PIK3R1: variants seen among roughly 807,000 people sequenced by gnomAD.
PIK3R1 encodes phosphoinositide-3-kinase regulatory subunit 1, also known as phosphatidylinositol 3-kinase regulatory subunit alpha.
Under a neutral mutation model 98.0 loss-of-function variants are expected in PIK3R1, and 29 were observed. The observed-to-expected ratio is 0.30, with a 90% confidence interval of 0.22 to 0.40. The LOEUF is 0.40. Ranked by LOEUF, PIK3R1 falls within the 10% of genes least tolerant of loss-of-function variation. The pLI is 1.00. For missense variants in PIK3R1, 596 were observed against 872.7 expected (o/e 0.68, Z 3.99); for synonymous variants, 282 against 311.8 (o/e 0.90, Z 1.01).
At chr5:68,240,475 A>T (rs1744832043) in intron 2 of PIK3R1, among the ~76,000 whole-genome samples, 1 of 152,280 alleles carries the variant, frequency 6.6e-6, no homozygotes, top group Admixed American at 6.5e-5. Context: ...CTGAAACTCC[A>T]GTTCTTGTCA....
intron 2 of PIK3R1, among the ~76,000 whole-genome samples, chr5:68,249,973 G>A (rs997099624): frequency 1.3e-5 from 2 of 152,274 alleles, no homozygotes; most frequent in Admixed American, 1.3e-4. Flanking sequence ...CCAAGTGTTG[G>A]GCTGGATTCT....
intron 2 of PIK3R1, among the ~76,000 whole-genome samples, chr5:68,271,729 C>T (rs1173054339): frequency 6.6e-6 from 1 of 152,218 alleles, no homozygotes; most frequent in Non-Finnish European, 1.5e-5. Context: ...GATTTTCCCT[C>T]ATAATATAGC....
rs1434445118 is a variant in PIK3R1, at chr5:68,226,443, C to G, written c.-233C>G. On this transcript the variant is annotated 5_prime_UTR_variant, in exon 2 of 16. Coordinates refer to ENST00000521381, the MANE Select transcript of PIK3R1 (RefSeq NM_181523.3). Reference sequence around the variant, plus strand: ...AAGGAAGCCAGTGAGAGGACTGTGGCACGCAGAGGAAGTGGAGCCCTGTCT... The same window carrying G: ...AAGGAAGCCAGTGAGAGGACTGTGGGACGCAGAGGAAGTGGAGCCCTGTCT... 5.9e-6 allele frequency: 3 copies of G among 512,014 alleles called. No homozygotes were observed. Among genetic ancestry groups the G allele is most frequent in the Non-Finnish European group, 1.0e-5 (3 of 290,502 alleles). The allele number at this position is 512,014 out of a possible 1,614,324, so 31.7% of individuals were successfully genotyped here.
intron 7 of PIK3R1, among the ~76,000 whole-genome samples, chr5:68,285,834 A>G (rs955554332): frequency 1.1e-4 from 16 of 152,206 alleles, no homozygotes; most frequent in Admixed American, 1.0e-3. Flanking sequence ...AATGTCAGTT[A>G]AGACCAGTGG....
At chr5:68,283,403 T>A (rs1421516504) in intron 7 of PIK3R1, among the ~76,000 whole-genome samples, 1 of 152,208 alleles carries the variant, frequency 6.6e-6, no homozygotes, top group Non-Finnish European at 1.5e-5. Context: ...GTACACATAC[T>A]CTAAGTACAA....
At chr5:68,266,737 G>A (rs1746138986) in intron 2 of PIK3R1, among the ~76,000 whole-genome samples, 1 of 152,122 alleles carries the variant, frequency 6.6e-6, no homozygotes, top group African/African-American at 2.4e-5. Flanking sequence ...TAAATACATA[G>A]GCATTACTTA....
chr5:68,266,991 G>A (rs78660703), intron 2 of PIK3R1, among the ~76,000 whole-genome samples: 1,782 of 152,106 alleles, frequency 0.012, 27 homozygotes, highest in African/African-American at 0.039. Flanking sequence ...GTCATACTTC[G>A]TATGAAATCT....
intron 2 of PIK3R1, among the ~76,000 whole-genome samples, chr5:68,256,790 A>G (rs879530149): frequency 2.0e-5 from 3 of 152,204 alleles, no homozygotes; most frequent in Admixed American, 2.0e-4. Context: ...TTGGGAAAGA[A>G]AAAACAAGTG....
intron 2 of PIK3R1, among the ~76,000 whole-genome samples, chr5:68,259,771 CA>C (rs1156963435): frequency 2.0e-5 from 3 of 152,164 alleles, no homozygotes; most frequent in Non-Finnish European, 4.4e-5. Context: ...AGCTGCCCCC[CA>C]AAAGGGGCAC....
chr5:68,263,608 G>T (rs1745999321), intron 2 of PIK3R1, among the ~76,000 whole-genome samples: 2 of 151,936 alleles, frequency 1.3e-5, no homozygotes, highest in Non-Finnish European at 2.9e-5. Flanking sequence ...GCTTCATTTT[G>T]TTAAACTCTG....
At chr5:68,232,585 AG>A (rs772437868) in intron 2 of PIK3R1, among the ~76,000 whole-genome samples, 5 of 152,216 alleles carry the variant, frequency 3.3e-5, no homozygotes, top group Non-Finnish European at 7.3e-5. Flanking sequence ...CTGCGGTGAC[AG>A]TTAAGTCCAG....
rs1218620700 is a variant in PIK3R1 at position 68,300,399 on chromosome 5, A to C, written c.*2798A>C. The C allele has an allele frequency of 4.3e-6, 1 of 232,942 alleles. No individual in the cohort carries two copies. The highest frequency in any genetic ancestry group is 6.0e-5 in the East Asian group (1 of 16,554). The allele number at this position is 232,942 out of a possible 1,614,324, so 14.4% of individuals were successfully genotyped here. On this transcript the variant is annotated 3_prime_UTR_variant, in exon 16 of 16. Coordinates refer to ENST00000521381, the MANE Select transcript of PIK3R1 (RefSeq NM_181523.3). ...TGAACGGCTGAATATGAATAGATAC[A>C]GCAGAGGCACTCCTGATATATGATT...
In PIK3R1 at chr5:68,301,463, T is replaced by C. The variant is rs1388019370; in HGVS notation, c.*3862T>C. On this transcript the variant is annotated 3_prime_UTR_variant, in exon 16 of 16. Transcript: ENST00000521381. Reference sequence around the variant, plus strand: ...GTGTATATATATATATATGTGTATATATATATGTATATACATATATGTATA... The same window carrying C: ...GTGTATATATATATATATGTGTATACATATATGTATATACATATATGTATA... 2.2e-5 allele frequency: 3 copies of C among 137,538 alleles called. No homozygotes were observed. Among genetic ancestry groups the C allele is most frequent in the African/African-American group, 8.4e-5 (3 of 35,676 alleles). The allele number at this position is 137,538 out of a possible 1,614,324, so 8.5% of individuals were successfully genotyped here. A position where few individuals can be genotyped will look rare whatever the true frequency, so the allele number is the denominator to read the frequency against.
At chr5:68,228,582 G>C (rs1250700235) in intron 2 of PIK3R1, among the ~76,000 whole-genome samples, 8 of 151,992 alleles carry the variant, frequency 5.3e-5, no homozygotes, top group Non-Finnish European at 7.4e-5. Flanking sequence ...ATACGTAATC[G>C]TTTTTCTCCA....
At chr5:68,290,645 T>A (rs1747335316) in intron 7 of PIK3R1, 9 of 1,501,976 alleles carry the variant, frequency 6.0e-6, no homozygotes, top group Non-Finnish European at 6.2e-6. Flanking sequence ...CTTATAGGTT[T>A]TAAAATGAAT....
intron 2 of PIK3R1, among the ~76,000 whole-genome samples, chr5:68,265,626 C>G (rs780885990): frequency 6.6e-6 from 1 of 152,156 alleles, no homozygotes; most frequent in African/African-American, 2.4e-5. Flanking sequence ...ACTCAGCTGC[C>G]TCCCAAAGGC....
At chr5:68,288,506 G>T in intron 7 of PIK3R1, 1 of 1,321,624 alleles carries the variant, frequency 7.6e-7, no homozygotes, top group Non-Finnish European at 9.6e-7. Context: ...GGCGTGGGGC[G>T]GAGGGACGAG....
At chr5:68,280,848 C>A in intron 6 of PIK3R1, 79 bp from the exon 7 acceptor site, 1 of 1,240,806 alleles carries the variant, frequency 8.1e-7, no homozygotes, top group Non-Finnish European at 1.2e-6. Flanking sequence ...TGCTATCACA[C>A]ACATTCACTT....
At chr5:68,284,079 C>G (rs780875462) in intron 7 of PIK3R1, among the ~76,000 whole-genome samples, 8 of 152,176 alleles carry the variant, frequency 5.3e-5, no homozygotes, top group African/African-American at 1.9e-4. Context: ...TCAACTCTCT[C>G]GAGTAACTCA....
Sources: allele counts gnomAD v4.1 joint callset (sites outside exome capture counted in the v4.1 genomes callset), GRCh38; gene constraint gnomAD v4.1.1; transcripts MANE v1.5; gene names NCBI Gene and HGNC (gene_info 2026-07-23, HGNC 2026-07-21).